PDSS2: variants seen among roughly 807,000 people sequenced by gnomAD.
The protein encoded by PDSS2 is decaprenyl diphosphate synthase subunit 2, also known as all trans-polyprenyl-diphosphate synthase PDSS2.
PDSS2 carries 31 observed loss-of-function variants against 44.5 expected under a neutral mutation model. The ratio of observed to expected loss-of-function variants is 0.70; its 90% CI spans 0.52 to 0.94. The LOEUF is 0.94. Among genes scored for constraint, PDSS2 ranks in the 40% least tolerant of loss-of-function variants. The pLI, the probability that PDSS2 is intolerant of heterozygous loss-of-function variation, is 0.00. For missense variants in PDSS2, 452 were observed against 482.2 expected (o/e 0.94, Z 0.59); for synonymous variants, 157 against 180.3 (o/e 0.87, Z 1.03).
At chr6:107,412,574 T>C (rs1292727997) in intron 1 of PDSS2, among the ~76,000 whole-genome samples, 7 of 152,182 alleles carry the variant, frequency 4.6e-5, no homozygotes, top group African/African-American at 7.2e-5. Flanking sequence ...TTTATGAGCA[T>C]GTGCTAACTT....
intron 1 of PDSS2, among the ~76,000 whole-genome samples, chr6:107,348,547 A>C (rs1778325064): frequency 6.6e-6 from 1 of 152,234 alleles, no homozygotes; most frequent in Non-Finnish European, 1.5e-5. Context: ...TCACTGGAAT[A>C]TTAAACTTAA....
At chr6:107,400,125 G>A (rs546749989) in intron 1 of PDSS2, among the ~76,000 whole-genome samples, 120 of 152,142 alleles carry the variant, frequency 7.9e-4, no homozygotes, top group East Asian at 3.9e-4. Context: ...AGGTCACAGG[G>A]GAGCTTTCTG....
At chr6:107,269,340 C>CTGTGTGTGTGTGTGTGTG (rs58803876) in intron 3 of PDSS2, among the ~76,000 whole-genome samples, 2 of 143,200 alleles carry the variant, frequency 1.4e-5, no homozygotes, top group East Asian at 2.0e-4. Context: ...TTTCGTGTGT[C>CTGTGTGTGTGTGTGTGTG]TGTGTGTGTG....
At chr6:107,253,764 T>C (rs1292012556) in intron 3 of PDSS2, among the ~76,000 whole-genome samples, 1 of 152,228 alleles carries the variant, frequency 6.6e-6, no homozygotes, top group Non-Finnish European at 1.5e-5. Flanking sequence ...GGTCTTGGAC[T>C]ACTGAAGCAA....
intron 2 of PDSS2, among the ~76,000 whole-genome samples, chr6:107,320,897 TAGG>T (rs1279212391): frequency 1.3e-5 from 2 of 152,170 alleles, no homozygotes; most frequent in Non-Finnish European, 2.9e-5. Context: ...CCCTACTTCA[TAGG>T]TTGTCTACAG....
At chr6:107,250,356 A>AAAT (rs543964232) in intron 3 of PDSS2, among the ~76,000 whole-genome samples, 53 of 152,356 alleles carry the variant, frequency 3.5e-4, no homozygotes, top group African/African-American at 1.0e-3. Flanking sequence ...AGAGACAACA[A>AAAT]AATAATAATA....
chr6:107,457,882 C>T (rs998707400), intron 1 of PDSS2, among the ~76,000 whole-genome samples: 5 of 151,958 alleles, frequency 3.3e-5, no homozygotes, highest in Non-Finnish European at 5.9e-5. Flanking sequence ...AGCGTACTTA[C>T]GTAGGAGATT....
In PDSS2 at chr6:107,206,077, T is replaced by C. The variant is rs139125503; in HGVS notation, c.1008+4362A>G. ...CTCAGTGTTAAAACTTGTAAAAGTT[T>C]CTTTTTTTGCGGGGGACAGAATCTC... On this transcript the variant is annotated intron_variant, in intron 6 of 7. Coordinates refer to ENST00000369037, the MANE Select transcript of PDSS2 (RefSeq NM_020381.4). Among the ~76,000 whole-genome samples the C allele has an allele frequency of 7.6e-3, 1,154 of 152,332 alleles. 8 individuals are homozygous for C. The highest frequency in any genetic ancestry group is 0.022 in the South Asian group (104 of 4,832).
intron 7 of PDSS2, among the ~76,000 whole-genome samples, chr6:107,190,493 C>T (rs1177030937): frequency 1.3e-5 from 2 of 152,184 alleles, no homozygotes; most frequent in Non-Finnish European, 2.9e-5. Flanking sequence ...ACTGTCTCTG[C>T]CCTCCAAGAG....
intron 3 of PDSS2, among the ~76,000 whole-genome samples, chr6:107,254,783 G>A (rs1774949608): frequency 6.6e-6 from 1 of 152,120 alleles, no homozygotes; most frequent in Non-Finnish European, 1.5e-5. Context: ...CTGAAAGACT[G>A]TTGTTGGCTA....
intron 7 of PDSS2, among the ~76,000 whole-genome samples, chr6:107,164,168 A>ATTT (rs66481350): frequency 4.8e-4 from 72 of 150,388 alleles, no homozygotes; most frequent in Middle Eastern, 3.4e-3. Flanking sequence ...CTTAAAAAAA[A>ATTT]TTTTTTTTTT....
At chr6:107,405,887 A>T (rs1362151673) in intron 1 of PDSS2, among the ~76,000 whole-genome samples, 1 of 151,916 alleles carries the variant, frequency 6.6e-6, no homozygotes, top group Non-Finnish European at 1.5e-5. Context: ...GGTGGAATAG[A>T]TAAAACAACC....
At chr6:107,381,451 A>C (rs1402441049) in intron 1 of PDSS2, among the ~76,000 whole-genome samples, 1 of 152,158 alleles carries the variant, frequency 6.6e-6, no homozygotes, top group Non-Finnish European at 1.5e-5. Flanking sequence ...ATTCATAGCT[A>C]TGTTCCATTT....
intron 1 of PDSS2, among the ~76,000 whole-genome samples, chr6:107,377,272 A>C (rs1779314117): frequency 6.6e-6 from 1 of 152,230 alleles, no homozygotes; most frequent in African/African-American, 2.4e-5. Context: ...TATGCAGCCA[A>C]AACACACATG....
At chr6:107,389,459 G>A (rs1465186445) in intron 1 of PDSS2, among the ~76,000 whole-genome samples, 1 of 152,088 alleles carries the variant, frequency 6.6e-6, no homozygotes, top group Non-Finnish European at 1.5e-5. Flanking sequence ...TTCTCACAGG[G>A]GTATGATTTA....
At chr6:107,264,760 ATTAG>A (rs1422588574) in intron 3 of PDSS2, among the ~76,000 whole-genome samples, 1 of 152,160 alleles carries the variant, frequency 6.6e-6, no homozygotes. Flanking sequence ...TTCCCTTCCA[ATTAG>A]TTAGCATGTC....
rs112748520 is a variant in PDSS2, at chr6:107,324,432, C to T, written c.431+9766G>A. 2.6e-3 allele frequency among the ~76,000 whole-genome samples: 397 copies of T among 152,106 alleles called. 3 individuals carry two copies. Among genetic ancestry groups the T allele is most frequent in the African/African-American group, 9.1e-3 (379 of 41,504 alleles). On this transcript the variant is annotated intron_variant, in intron 2 of 7. Coordinates refer to ENST00000369037, the MANE Select transcript of PDSS2 (RefSeq NM_020381.4). ...AAGGTTCTTGTAGTACAAAAAGATA[C>T]GTTTCTTAAATAGGCTTTTATTGCT...
At chr6:107,278,385 C>T (rs574059552) in intron 2 of PDSS2, among the ~76,000 whole-genome samples, 2 of 152,128 alleles carry the variant, frequency 1.3e-5, no homozygotes, top group African/African-American at 2.4e-5. Context: ...TTTAAAATTA[C>T]CGTTTAAAAA....
At chr6:107,353,098 T>C (rs1380884924) in intron 1 of PDSS2, among the ~76,000 whole-genome samples, 1 of 152,196 alleles carries the variant, frequency 6.6e-6, no homozygotes. Flanking sequence ...CAGTGAAAGC[T>C]GGAACAGATG....
Sources: allele counts gnomAD v4.1 joint callset (sites outside exome capture counted in the v4.1 genomes callset), GRCh38; gene constraint gnomAD v4.1.1; transcripts MANE v1.5; gene names NCBI Gene and HGNC (gene_info 2026-07-23, HGNC 2026-07-21).